Variants in ATRNL1 observed in about 807,000 individuals in gnomAD.
ATRNL1 encodes attractin like 1, also known as attractin-like protein 1.
ATRNL1 carries 95 observed loss-of-function variants against 182.7 expected under a neutral mutation model. The ratio of observed to expected loss-of-function variants is 0.52; its 90% CI spans 0.44 to 0.62. The LOEUF is 0.62. Among genes scored for constraint, ATRNL1 ranks in the 20% least tolerant of loss-of-function variants. The pLI, the probability that ATRNL1 is intolerant of heterozygous loss-of-function variation, is 0.00. For missense variants in ATRNL1, 1,471 were observed against 1,679.5 expected (o/e 0.88, Z 2.17); for synonymous variants, 576 against 568.3 (o/e 1.01, Z -0.19).
intron 28 of ATRNL1, among the ~76,000 whole-genome samples, chr10:115,935,785 A>G (rs1378617511): frequency 6.6e-6 from 1 of 152,218 alleles, no homozygotes; most frequent in Non-Finnish European, 1.5e-5. Context: ...AGTATTTCCA[A>G]TGACATAGGC....
At chr10:115,365,599 T>A (rs1243903579) in intron 19 of ATRNL1, among the ~76,000 whole-genome samples, 1 of 152,142 alleles carries the variant, frequency 6.6e-6, no homozygotes, top group Non-Finnish European at 1.5e-5. Flanking sequence ...TCTAGTTCTT[T>A]TAATTGTGAT....
chr10:115,568,003 T>A (rs1188495728), intron 26 of ATRNL1, among the ~76,000 whole-genome samples: 2 of 152,150 alleles, frequency 1.3e-5, no homozygotes, highest in Non-Finnish European at 2.9e-5. Flanking sequence ...CGTCTAATTA[T>A]TGTGCTTAGA....
At chr10:115,311,535 A>G (rs1186492462) in intron 17 of ATRNL1, among the ~76,000 whole-genome samples, 7 of 149,660 alleles carry the variant, frequency 4.7e-5, no homozygotes, top group African/African-American at 1.7e-4. Flanking sequence ...GGCCTGTCAT[A>G]TGGTCTATCT....
At chr10:115,135,514 C>T (rs958091283) in intron 5 of ATRNL1, among the ~76,000 whole-genome samples, 4 of 152,120 alleles carry the variant, frequency 2.6e-5, no homozygotes, top group African/African-American at 4.8e-5. Context: ...GACTACAAAC[C>T]ACTGCTCAAC....
chr10:115,254,786 T>G (rs1413346018), intron 10 of ATRNL1, among the ~76,000 whole-genome samples: 1 of 152,206 alleles, frequency 6.6e-6, no homozygotes. Context: ...ATTTAAGTCT[T>G]TAATCCATCT....
intron 9 of ATRNL1, among the ~76,000 whole-genome samples, chr10:115,230,919 G>GAGAGAGAGAGAA (rs1849918070): frequency 8.3e-6 from 1 of 120,830 alleles, no homozygotes; most frequent in Non-Finnish European, 1.8e-5. Flanking sequence ...GAGAGAGAGA[G>GAGAGAGAGAGAA]AGAAAGAGAG....
intron 19 of ATRNL1, among the ~76,000 whole-genome samples, chr10:115,374,047 T>C (rs1857530825): frequency 6.6e-6 from 1 of 151,882 alleles, no homozygotes. Context: ...ATCTTCTAAA[T>C]TGTTTGATTC....
chr10:115,566,558 C>G (rs1325508165), intron 26 of ATRNL1, among the ~76,000 whole-genome samples: 3 of 151,992 alleles, frequency 2.0e-5, no homozygotes, highest in African/African-American at 7.2e-5. Context: ...TATTTTAGGA[C>G]AGTTGAGTTG....
At chr10:115,196,559 A>G (rs1008258740) in intron 8 of ATRNL1, among the ~76,000 whole-genome samples, 4 of 138,114 alleles carry the variant, frequency 2.9e-5, no homozygotes, top group African/African-American at 7.4e-5. Context: ...ATGCATGGAC[A>G]TGGTATATCA....
chr10:115,612,638 A>ATTCAC (rs1457435342), intron 26 of ATRNL1, among the ~76,000 whole-genome samples: 2 of 152,234 alleles, frequency 1.3e-5, no homozygotes, highest in Non-Finnish European at 2.9e-5. Flanking sequence ...GTTCTTATGC[A>ATTCAC]TTCACTAGCT....
chr10:115,269,931 A>G (rs1851769841), intron 13 of ATRNL1, among the ~76,000 whole-genome samples: 1 of 152,040 alleles, frequency 6.6e-6, no homozygotes, highest in African/African-American at 2.4e-5. Flanking sequence ...TTACTGACTC[A>G]TTAGATTGAA....
intron 10 of ATRNL1, among the ~76,000 whole-genome samples, chr10:115,256,775 G>T (rs1851160323): frequency 6.6e-6 from 1 of 152,078 alleles, no homozygotes; most frequent in African/African-American, 2.4e-5. Context: ...TGGGCATTTA[G>T]TGCTATAAAT....
At chr10:115,718,361 G>A (rs1555056864) in intron 26 of ATRNL1, among the ~76,000 whole-genome samples, 4 of 152,064 alleles carry the variant, frequency 2.6e-5, no homozygotes, top group African/African-American at 7.2e-5. Context: ...GTAAGTCAAC[G>A]TCGAACAAAC....
intron 27 of ATRNL1, among the ~76,000 whole-genome samples, chr10:115,728,980 C>G (rs1337438952): frequency 6.6e-6 from 1 of 151,944 alleles, no homozygotes; most frequent in Non-Finnish European, 1.5e-5. Flanking sequence ...TTTTTATCCC[C>G]ATCTGTTTAA....
intron 15 of ATRNL1, 151 bp downstream of exon 15, chr10:115,286,548 T>C (rs1852623604): frequency 1.8e-6 from 1 of 544,014 alleles, no homozygotes; most frequent in African/African-American, 1.9e-5. Context: ...AAGACTTATT[T>C]TGTATAAGTA....
At chr10:115,792,896 T>C (rs931370048) in intron 27 of ATRNL1, among the ~76,000 whole-genome samples, 11 of 151,782 alleles carry the variant, frequency 7.2e-5, no homozygotes, top group African/African-American at 1.9e-4. Context: ...GAAAAAAAAA[T>C]CATTCTTTCT....
Position 115,728,103 on chromosome 10 carries a change from G to A in ATRNL1, c.3903+748G>A, listed in dbSNP as rs540742626. Among the ~76,000 whole-genome samples, 576 of 116,898 alleles carry A rather than the reference G, an allele frequency of 4.9e-3. 1 individual carries two copies. The highest frequency in any genetic ancestry group is 0.01 in the Middle Eastern group (2 of 200). The allele number at this position is 116,898 out of a possible 152,430, so 76.7% of individuals were successfully genotyped here. On this transcript the variant is annotated intron_variant, in intron 27 of 28. Coordinates refer to ENST00000355044, the MANE Select transcript of ATRNL1 (RefSeq NM_207303.4). Reference sequence around the variant, plus strand: ...ATCCTGGCTAACATGGTGAAACCCCGTCTCTACTAAAAAAAAAAAAAAAAG... The same window carrying A: ...ATCCTGGCTAACATGGTGAAACCCCATCTCTACTAAAAAAAAAAAAAAAAG...
chr10:115,633,827 C>G (rs556893415), intron 26 of ATRNL1, among the ~76,000 whole-genome samples: 13 of 152,142 alleles, frequency 8.5e-5, no homozygotes, highest in African/African-American at 3.1e-4. Flanking sequence ...GTATTTGACA[C>G]CAGTGATTTC....
chr10:115,534,479 A>C (rs534741037), intron 25 of ATRNL1, among the ~76,000 whole-genome samples: 3 of 152,266 alleles, frequency 2.0e-5, no homozygotes, highest in South Asian at 4.1e-4. Flanking sequence ...CCATCCTTTC[A>C]TTTTGAGCTT....
Sources: gnomAD v4.1 joint callset for allele counts (sites outside exome capture counted in the v4.1 genomes callset) on GRCh38, gnomAD v4.1.1 for gene constraint, MANE v1.5 for transcripts, NCBI Gene and HGNC (gene_info 2026-07-23, HGNC 2026-07-21) for gene names.